SF3B3: variants seen among roughly 807,000 people sequenced by gnomAD.
SF3B3 encodes the protein SAP 130.
Under a neutral mutation model 139.2 loss-of-function variants are expected in SF3B3, and 33 were observed. The ratio of observed to expected loss-of-function variants is 0.24; its 90% confidence interval spans 0.18 to 0.32. The LOEUF (loss-of-function observed/expected upper bound fraction) is 0.32. SF3B3 is among the 10% of genes least tolerant of loss of function. The probability of loss-of-function intolerance (pLI) is 1.00; values close to 1 mark genes in which losing one functional copy is unlikely to be tolerated. For missense variants in SF3B3, 818 were observed against 1,509.4 expected (o/e 0.54, Z 7.59); for synonymous variants, 596 against 563.6 (o/e 1.06, Z -0.81).
chr16:70,576,485 T>A lies in SF3B3; in HGVS notation c.*4672T>A, dbSNP rs1393786475. The stretch of plus-strand genomic sequence containing the variant: ...TAATGAAAGGAGAGGTGCTTTCAGT[T>A]GGGTCATTTGGTAGCGTTTAGGCTT... On this transcript the variant is annotated 3_prime_UTR_variant, in exon 26 of 26. Transcript: ENST00000302516. The A allele has an allele frequency of 6.6e-6, 1 of 152,188 alleles. No individual in the cohort carries two copies. Among genetic ancestry groups the A allele is most frequent in the Admixed American group, 6.5e-5 (1 of 15,280 alleles). The allele number at this position is 152,188 out of a possible 1,614,324, so 9.4% of individuals were successfully genotyped here.
chr16:70,541,954 G>C, intron 9 of SF3B3, 120 bp downstream of exon 9: 1 of 844,206 alleles, frequency 1.2e-6, no homozygotes, highest in Non-Finnish European at 1.8e-6. Flanking sequence ...GTTAGAGGTA[G>C]AAGTTTGAGC....
chr16:70,571,391 A>C (rs372038311), intron 25 of SF3B3, among the ~76,000 whole-genome samples, 192 bp downstream of exon 25: 16 of 152,308 alleles, frequency 1.1e-4, no homozygotes, highest in African/African-American at 3.9e-4. Context: ...TCCTGGATCT[A>C]CAAGTGGGGT....
chr16:70,542,113 G>A (rs552838365), intron 9 of SF3B3, among the ~76,000 whole-genome samples: 15 of 152,290 alleles, frequency 9.8e-5, no homozygotes, highest in East Asian at 5.8e-4. Context: ...AGTCCTCCCC[G>A]TAATCTTCTC....
At chr16:70,565,330 G>T in intron 19 of SF3B3, 38 bp from the exon 20 acceptor site, 2 of 1,613,656 alleles carry the variant, frequency 1.2e-6, no homozygotes, top group Non-Finnish European at 1.7e-6. Flanking sequence ...TCTGAGTTTT[G>T]ACTAAGGCCT....
chr16:70,576,470 A>AG lies in SF3B3; in HGVS notation c.*4658dup, dbSNP rs1371482441. 5 of 152,172 alleles carry AG rather than the reference A, an allele frequency of 3.3e-5. No individual in the cohort carries two copies. The highest frequency in any genetic ancestry group is 2.6e-4 in the Admixed American group (4 of 15,266). The allele number at this position is 152,172 out of a possible 1,614,324, so 9.4% of individuals were successfully genotyped here. On this transcript the variant is annotated 3_prime_UTR_variant, in exon 26 of 26. Coordinates refer to ENST00000302516, the MANE Select transcript of SF3B3 (RefSeq NM_012426.5). ...CTGACTGCAGTCTCATAATGAAAGG[A>AG]GAGGTGCTTTCAGTTGGGTCATTTG... is the stretch of plus-strand genomic sequence containing the variant.
intron 15 of SF3B3, 124 bp downstream of exon 15, chr16:70,557,153 C>CA: frequency 1.0e-6 from 1 of 989,630 alleles, no homozygotes; most frequent in Non-Finnish European, 1.5e-6. Context: ...GAAAAGTGAA[C>CA]AGTGTCACTC....
chr16:70,569,289 A>G (rs2050506566), intron 23 of SF3B3, 148 bp downstream of exon 23: 4 of 571,058 alleles, frequency 7.0e-6, no homozygotes, highest in African/African-American at 1.9e-5. Flanking sequence ...ACCAATCTGC[A>G]AAAAATCTCC....
At chr16:70,568,243 A>G (rs1457241991) in intron 21 of SF3B3, 40 bp from the exon 22 acceptor site, 4 of 1,507,004 alleles carry the variant, frequency 2.7e-6, no homozygotes, top group Non-Finnish European at 3.7e-6. Flanking sequence ...CTGAACCCCA[A>G]GATTACACCC....
intron 8 of SF3B3, among the ~76,000 whole-genome samples, chr16:70,541,134 G>A (rs1234638181): frequency 6.6e-6 from 1 of 152,174 alleles, no homozygotes; most frequent in Non-Finnish European, 1.5e-5. Flanking sequence ...TAGCCATCCT[G>A]CTAAGTATGC....
chr16:70,555,312 T>C (rs2050368955), intron 13 of SF3B3, 106 bp downstream of exon 13: 2 of 1,080,868 alleles, frequency 1.9e-6, no homozygotes, highest in South Asian at 2.8e-5. Context: ...ATCCTGTCTC[T>C]ACTAAAAATA....
intron 24 of SF3B3, 151 bp from the exon 25 acceptor site, chr16:70,570,944 C>A: frequency 1.5e-6 from 1 of 674,522 alleles, no homozygotes; most frequent in South Asian, 1.7e-5. Flanking sequence ...CGTGTTGTAG[C>A]AGAAAAACCT....
chr16:70,538,319 C>T lies in SF3B3; in HGVS notation c.826-4C>T. 6.2e-7 allele frequency: 1 copy of T among 1,612,610 alleles called. No individual in the cohort carries two copies. Among genetic ancestry groups the T allele is most frequent in the Non-Finnish European group, 8.5e-7 (1 of 1,179,146 alleles). On this transcript the variant is annotated splice_region_variant and splice_polypyrimidine_tract_variant and intron_variant, in intron 6 of 25. Coordinates refer to ENST00000302516, the MANE Select transcript of SF3B3 (RefSeq NM_012426.5). ...GACATTGATTGTGTTTTTGACTTTG[C>T]TAGAATGACCTGGATGACCCTGAAA... is the stretch of plus-strand genomic sequence containing the variant.
intron 2 of SF3B3, among the ~76,000 whole-genome samples, chr16:70,527,674 CTATG>C (rs1453678471): frequency 6.6e-6 from 1 of 152,210 alleles, no homozygotes; most frequent in African/African-American, 2.4e-5. Flanking sequence ...ACTGACTTCA[CTATG>C]TAATGCAATG....
chr16:70,531,636 T>C (rs2050122603), intron 4 of SF3B3, among the ~76,000 whole-genome samples: 1 of 152,242 alleles, frequency 6.6e-6, no homozygotes, highest in Non-Finnish European at 1.5e-5. Context: ...AATGCCTTAC[T>C]GAAATTCTTT....
chr16:70,544,403 G>A (rs1338448852), intron 9 of SF3B3, 35 bp from the exon 10 acceptor site: 1 of 1,254,756 alleles, frequency 8.0e-7, no homozygotes, highest in Admixed American at 1.7e-5. Flanking sequence ...AACAGCACTG[G>A]AGACATTTTT....
chr16:70,557,119 C>T (rs1047096714), intron 15 of SF3B3, 90 bp downstream of exon 15: 1 of 1,380,244 alleles, frequency 7.2e-7, no homozygotes. Flanking sequence ...TTTCTCTGCC[C>T]ATGGTTTCAG....
At position 70,546,051 on chromosome 16, in the gene SF3B3, C is replaced by T. The variant is rs538836206; in HGVS notation, c.1329+1518C>T. Among the ~76,000 whole-genome samples, 3 of 152,284 alleles carry T rather than the reference C, an allele frequency of 2.0e-5. No homozygotes were observed. The South Asian group carries it at 6.2e-4, about 32-fold the overall frequency. ...GACTTTGCTTCACTGTAGCCTCCAA[C>T]GCCCAGTCTCAAGCAAGCAATTCTC... On this transcript the variant is annotated intron_variant, in intron 10 of 25. Coordinates refer to ENST00000302516, the MANE Select transcript of SF3B3 (RefSeq NM_012426.5).
chr16:70,534,726 T>C (rs909842337), intron 5 of SF3B3, among the ~76,000 whole-genome samples: 1 of 152,212 alleles, frequency 6.6e-6, no homozygotes, highest in African/African-American at 2.4e-5. Flanking sequence ...TAGAGCACAG[T>C]GGCACGATCT....
chr16:70,528,507 C>T (rs1006786988), intron 2 of SF3B3, among the ~76,000 whole-genome samples: 1 of 133,354 alleles, frequency 7.5e-6, no homozygotes, highest in South Asian at 2.5e-4. Context: ...TATCTTGCTG[C>T]GTTTCCCAGG....
Sources: allele counts gnomAD v4.1 joint callset (sites outside exome capture counted in the v4.1 genomes callset), GRCh38; gene constraint gnomAD v4.1.1; transcripts MANE v1.5; gene names NCBI Gene and HGNC (gene_info 2026-07-23, HGNC 2026-07-21).